ACTR2: variants seen among roughly 807,000 people sequenced by gnomAD.
ACTR2 encodes the protein actin related protein 2.
In ACTR2, 5 loss-of-function variants were observed where a neutral mutation model predicts 50.2. That is an observed-to-expected ratio of 0.10 (90% CI 0.05 to 0.21). The LOEUF (loss-of-function observed/expected upper bound fraction) is 0.21, where lower values mean the gene tolerates loss of function less well. Ranked by LOEUF, ACTR2 falls within the 10% of genes least tolerant of loss-of-function variation. The pLI is 1.00. For missense variants in ACTR2, 180 were observed against 480.6 expected (o/e 0.37, Z 5.85); for synonymous variants, 140 against 162.9 (o/e 0.86, Z 1.07).
intron 1 of ACTR2, among the ~76,000 whole-genome samples, chr2:65,237,159 G>A (rs1671754240): frequency 6.6e-6 from 1 of 152,262 alleles, no homozygotes; most frequent in Non-Finnish European, 1.5e-5. Context: ...GTTAAAGAGG[G>A]TGCAGACTAT....
chr2:65,269,058 C>CT lies in ACTR2; in HGVS notation c.*327dup, dbSNP rs1672437718. On this transcript the variant is annotated 3_prime_UTR_variant, in exon 9 of 9. Transcript: ENST00000260641. ...CTGCTCTAATGCTGCTAGTCGTAGT[C>CT]TTTAGCACACTAGGTGGTATGCCTT... The CT allele has an allele frequency of 5.1e-6, 1 of 195,348 alleles. No homozygotes were observed. Among genetic ancestry groups the CT allele is most frequent in the South Asian group, 1.3e-4 (1 of 7,894 alleles). The allele number at this position is 195,348 out of a possible 1,614,324, so 12.1% of individuals were successfully genotyped here. A position where few individuals can be genotyped will look rare whatever the true frequency, so the allele number is the denominator to read the frequency against.
intron 3 of ACTR2, among the ~76,000 whole-genome samples, chr2:65,247,593 A>C (rs1420562189): frequency 2.0e-5 from 3 of 152,162 alleles, no homozygotes; most frequent in Admixed American, 6.5e-5. Context: ...GTCTCAAAAA[A>C]AAATAAAAAA....
In ACTR2 at chr2:65,246,315, C is replaced by T. The variant is rs530985822; in HGVS notation, c.160-209C>T. 4 of 409,160 alleles carry T rather than the reference C, an allele frequency of 9.8e-6. No homozygotes were observed. In the South Asian group the frequency reaches 1.8e-4, roughly 18 times the overall value. 25.3% of individuals were successfully genotyped at this position (409,160 alleles called of 1,614,324 possible). The stretch of plus-strand genomic sequence containing the variant: ...GAAACATTTGTGTTAAAGGTAAGGT[C>T]AATTTATTGATTTAAACCACATTGT... On this transcript the variant is annotated intron_variant, in intron 2 of 8. Transcript: ENST00000260641.
At chr2:65,230,930 T>C (rs1671626071) in intron 1 of ACTR2, among the ~76,000 whole-genome samples, 1 of 151,870 alleles carries the variant, frequency 6.6e-6, no homozygotes, top group Non-Finnish European at 1.5e-5. Flanking sequence ...TTCTGATGCC[T>C]GAAATCCCAG....
At chr2:65,262,143 A>G (rs982788805) in intron 7 of ACTR2, among the ~76,000 whole-genome samples, 2 of 152,164 alleles carry the variant, frequency 1.3e-5, no homozygotes, top group Admixed American at 6.5e-5. Flanking sequence ...CACTTATCAG[A>G]TGTCTGATTT....
At chr2:65,234,691 T>G (rs901349584) in intron 1 of ACTR2, among the ~76,000 whole-genome samples, 3 of 152,196 alleles carry the variant, frequency 2.0e-5, no homozygotes, top group Non-Finnish European at 4.4e-5. Flanking sequence ...TTCCCTGCAC[T>G]AGGATCAGAC....
In ACTR2 at chr2:65,245,497, G is replaced by A. The variant is rs528261153; in HGVS notation, c.160-1027G>A. Reference sequence around the variant, plus strand: ...ATCATGCCACTGCGCTCTAGCCTGGGCAGTAGAGCGAGACTCAGTCTCAAA... The same window carrying A: ...ATCATGCCACTGCGCTCTAGCCTGGACAGTAGAGCGAGACTCAGTCTCAAA... On this transcript the variant is annotated intron_variant, in intron 2 of 8. Coordinates refer to ENST00000260641, the MANE Select transcript of ACTR2 (RefSeq NM_005722.4). 2.0e-5 allele frequency among the ~76,000 whole-genome samples: 3 copies of A among 152,246 alleles called. No homozygotes were observed. In the South Asian group the frequency reaches 6.2e-4, roughly 32 times the overall value.
At chr2:65,259,126 A>G (rs1384917390) in intron 6 of ACTR2, among the ~76,000 whole-genome samples, 3 of 151,942 alleles carry the variant, frequency 2.0e-5, no homozygotes, top group African/African-American at 7.3e-5. Flanking sequence ...CTGGAATCTA[A>G]ACAATCATTG....
At chr2:65,237,473 C>T (rs1235471930) in intron 1 of ACTR2, among the ~76,000 whole-genome samples, 1 of 151,992 alleles carries the variant, frequency 6.6e-6, no homozygotes, top group Non-Finnish European at 1.5e-5. Flanking sequence ...AGCTTCTGGG[C>T]TCAAGTGATC....
At chr2:65,251,196 C>A in intron 4 of ACTR2, 97 bp downstream of exon 4, 2 of 697,892 alleles carry the variant, frequency 2.9e-6, no homozygotes, top group South Asian at 2.4e-5. Context: ...GTTATAAGCC[C>A]CAGAAAACTA....
chr2:65,235,164 TGA>T (rs1026027798), intron 1 of ACTR2, among the ~76,000 whole-genome samples: 1 of 147,516 alleles, frequency 6.8e-6, no homozygotes, highest in Non-Finnish European at 1.5e-5. Context: ...GAAGAGTGTG[TGA>T]GAGGTGTGTG....
At chr2:65,268,055 T>C (rs112677765) in intron 8 of ACTR2, among the ~76,000 whole-genome samples, 1 of 151,696 alleles carries the variant, frequency 6.6e-6, no homozygotes, top group Non-Finnish European at 1.5e-5. Flanking sequence ...GCCAGGATGG[T>C]CTCGATCTCC....
chr2:65,227,988 C>T (rs980811652), intron 1 of ACTR2, 31 bp downstream of exon 1: 16 of 1,486,950 alleles, frequency 1.1e-5, no homozygotes, highest in African/African-American at 1.5e-5. Context: ...CCTTGGCGGC[C>T]ACAGACGCCG....
intron 4 of ACTR2, among the ~76,000 whole-genome samples, chr2:65,251,509 GT>G (rs1033058284): frequency 1.3e-5 from 2 of 152,152 alleles, no homozygotes; most frequent in Non-Finnish European, 2.9e-5. Context: ...TTACAGGCAT[GT>G]GCCACCACAC....
At chr2:65,244,881 G>A (rs770814550) in intron 2 of ACTR2, among the ~76,000 whole-genome samples, 1 of 149,802 alleles carries the variant, frequency 6.7e-6, no homozygotes, top group Non-Finnish European at 1.5e-5. Context: ...GGTTGAGGCT[G>A]TGGTAAGCAA....
intron 2 of ACTR2, among the ~76,000 whole-genome samples, chr2:65,245,534 G>T (rs571693567): frequency 6.6e-6 from 1 of 151,976 alleles, no homozygotes; most frequent in Non-Finnish European, 1.5e-5. Flanking sequence ...AAATAATCTC[G>T]TGTTAATTTT....
At chr2:65,233,554 G>A (rs1018830783) in intron 1 of ACTR2, among the ~76,000 whole-genome samples, 11 of 151,596 alleles carry the variant, frequency 7.3e-5, no homozygotes, top group African/African-American at 1.5e-4. Context: ...TGCAGAGCAG[G>A]ACTACCCCAT....
At chr2:65,266,519 G>A (rs1172807551) in intron 8 of ACTR2, among the ~76,000 whole-genome samples, 1 of 152,142 alleles carries the variant, frequency 6.6e-6, no homozygotes, top group Non-Finnish European at 1.5e-5. Context: ...ATGGTAAAGG[G>A]TTTGGCTTGA....
intron 1 of ACTR2, 63 bp downstream of exon 1, chr2:65,228,020 ACGGGCCCTCGGCCCCCAGGGCTGCACCTC>A (rs995425738): frequency 1.9e-5 from 28 of 1,443,306 alleles, no homozygotes; most frequent in Middle Eastern, 4.9e-4. Context: ...CAGCTGGCGC[ACGGGCCCTCGGCCCCCAGGGCTGCACCTC>A]CGGGCCCTCG....
Sources: gnomAD v4.1 joint callset for allele counts (sites outside exome capture counted in the v4.1 genomes callset) on GRCh38, gnomAD v4.1.1 for gene constraint, MANE v1.5 for transcripts, NCBI Gene and HGNC (gene_info 2026-07-23, HGNC 2026-07-21) for gene names.